Variants in ANK2 observed in about 807,000 individuals in gnomAD.
ANK2 encodes the protein ankyrin-2.
ANK2 carries 83 observed loss-of-function variants against 360.5 expected under a neutral mutation model. The ratio of observed to expected loss-of-function variants is 0.23; its 90% CI spans 0.19 to 0.28. ANK2 has a LOEUF of 0.28. ANK2 is among the 10% of genes least tolerant of loss of function. ANK2 has a pLI of 1.00. For synonymous variants in ANK2, 1,740 were observed against 1,759.5 expected, an observed-to-expected ratio of 0.99 and a Z score of 0.28; for missense variants, 4,201 against 4,795.7, an observed-to-expected ratio of 0.88 and a Z score of 3.66.
At chr4:112,721,432 C>T in the ANK2 span, among the ~76,000 whole-genome samples, 1 of 148,710 alleles carries the variant, frequency 6.7e-6, no homozygotes, top group African/African-American at 2.5e-5. Context: ...GTCCTAGCTA[C>T]TTGGGAGGCT....
At position 113,355,898 on chromosome 4, in the gene ANK2, A is replaced by G; in HGVS notation, c.7280A>G (p.Asp2427Gly). Reference protein sequence around the residue: ...DSEVLSAVADDSLAVSHKDSL... With the variant: ...DSEVLSAVADGSLAVSHKDSL... ...GAAGTCCTCAGCGCTGTGGCTGATG[A>G]CTCATTAGCAGTGAGCCACAAAGAC... Residue 2427 changes from aspartate to glycine, a missense_variant, in exon 38 of 46, where the codon GAC (aspartate) becomes GGC (glycine). This residue lies in a region of ANK2 where 2,642 missense variants were observed against 2,714.5 expected (regional missense o/e 0.97). Coordinates refer to ENST00000357077, the MANE Select transcript of ANK2 (RefSeq NM_001148.6). 6.2e-7 allele frequency: 1 copy of G among 1,613,984 alleles called. No homozygotes were observed. The highest frequency in any genetic ancestry group is 1.1e-5 in the South Asian group (1 of 91,068).
the ANK2 span, among the ~76,000 whole-genome samples, chr4:112,721,607 C>T: frequency 4.7e-5 from 7 of 149,250 alleles, no homozygotes; most frequent in Admixed American, 3.3e-4. Context: ...TGTCTCTACA[C>T]GCCTGGAAAA....
intron 1 of ANK2, among the ~76,000 whole-genome samples, chr4:113,151,688 A>G (rs765605487): frequency 6.6e-6 from 1 of 152,188 alleles, no homozygotes; most frequent in African/African-American, 2.4e-5. Context: ...CATATTTACT[A>G]TAGAAAGTAG....
In ANK2 at chr4:112,891,901, G is replaced by T. The variant is rs191675204; in HGVS notation, c.-39-12554G>T. ...AATTAAAGCATAGTTTTCTGAAAGC[G>T]TTACCTAATAAGTTCTCAATAAATA... On this transcript the variant is annotated intron_variant, in intron 1 of 30. Transcript: ENST00000503271. 3.1e-3 allele frequency among the ~76,000 whole-genome samples: 467 copies of T among 152,232 alleles called. 7 individuals carry two copies. The highest frequency in any genetic ancestry group is 3.7e-3 in the Non-Finnish European group (251 of 68,024).
chr4:113,045,323 C>G (rs1171264128), upstream of ANK2, among the ~76,000 whole-genome samples: 3 of 152,186 alleles, frequency 2.0e-5, no homozygotes, highest in African/African-American at 7.2e-5. Context: ...TGTCATCTGA[C>G]AGCGGTTTCT....
At chr4:113,007,458 G>C (rs1466476713) in intron 2 of ANK2, among the ~76,000 whole-genome samples, 1 of 152,152 alleles carries the variant, frequency 6.6e-6, no homozygotes, top group Non-Finnish European at 1.5e-5. Flanking sequence ...CAAATACGAT[G>C]TTCTTAGGGC....
At chr4:112,953,536 T>C (rs546519754) in intron 2 of ANK2, among the ~76,000 whole-genome samples, 1 of 152,350 alleles carries the variant, frequency 6.6e-6, no homozygotes, top group East Asian at 1.9e-4. Flanking sequence ...GAGAATCCCA[T>C]TACTTGTTTG....
chr4:113,014,731 G>A (rs993078207), intron 2 of ANK2, among the ~76,000 whole-genome samples: 8 of 150,378 alleles, frequency 5.3e-5, no homozygotes, highest in African/African-American at 1.7e-4. Flanking sequence ...TAGTGAGAAA[G>A]TGTATATAAA....
At chr4:113,167,732 T>C (rs115405656) in intron 1 of ANK2, among the ~76,000 whole-genome samples, 1,584 of 152,318 alleles carry the variant, frequency 0.01, 11 homozygotes, top group South Asian at 0.017. Context: ...AACTAGAATG[T>C]AGAATTAGAA....
At position 113,232,228 on chromosome 4, in the gene ANK2, A is replaced by C. The variant is rs1342754029; in HGVS notation, c.452A>C (p.Glu151Ala). 10 of 1,605,696 alleles carry C rather than the reference A, an allele frequency of 6.2e-6. No individual in the cohort carries two copies. Among genetic ancestry groups the C allele is most frequent in the Admixed American group, 1.7e-5 (1 of 59,992 alleles). Residue 151 changes from glutamate to alanine, a missense_variant, in exon 5 of 46, where the codon GAA becomes GCA. Physicochemically the swap from Glu to Ala is moderately radical, Grantham distance 107. This residue lies in a region of ANK2 where 169 missense variants were observed against 191.1 expected (regional missense o/e 0.88). Transcript: ENST00000357077. ...NHIDVVKYLL[E>A]NGANQSTATE... is the part of the protein sequence containing the mutation. ...ATTGATGTTGTAAAATATTTGCTGGAAAATGGAGCTAATCAGAGCACTGCT... is the reference window on the plus strand; with the variant it reads ...ATTGATGTTGTAAAATATTTGCTGGCAAATGGAGCTAATCAGAGCACTGCT...
the ANK2 span, among the ~76,000 whole-genome samples, chr4:112,808,943 T>C: frequency 9.2e-5 from 14 of 152,116 alleles, no homozygotes; most frequent in Admixed American, 4.6e-4. Flanking sequence ...CTGCAACCTC[T>C]GTCCCCCTGG....
Position 113,062,025 on chromosome 4 carries a change from A to C in ANK2, c.84+12213A>C, listed in dbSNP as rs555761035. ...ATTAAAAATTAAAAAAATTTTGAAAAGCAACTAAAAAAAAATTGCTGTTGC... is the reference window on the plus strand; with the variant it reads ...ATTAAAAATTAAAAAAATTTTGAAACGCAACTAAAAAAAAATTGCTGTTGC... On this transcript the variant is annotated intron_variant, in intron 1 of 45. Transcript: ENST00000357077. 1.8e-4 allele frequency among the ~76,000 whole-genome samples: 28 copies of C among 152,138 alleles called. 1 individual carries two copies. The South Asian group carries it at 5.6e-3, about 30-fold the overall frequency.
chr4:112,940,865 C>T (rs953382792), intron 2 of ANK2, among the ~76,000 whole-genome samples: 16 of 152,120 alleles, frequency 1.1e-4, no homozygotes, highest in African/African-American at 2.6e-4. Flanking sequence ...CAGGGATTCT[C>T]GTGTCAAAGA....
At chr4:112,761,357 A>G in the ANK2 span, among the ~76,000 whole-genome samples, 23 of 152,064 alleles carry the variant, frequency 1.5e-4, no homozygotes, top group African/African-American at 5.3e-4. Flanking sequence ...ACCGTGGCTC[A>G]TGCCTGTAAT....
At chr4:113,248,248 A>G (rs2044113407) in intron 9 of ANK2, among the ~76,000 whole-genome samples, 1 of 152,154 alleles carries the variant, frequency 6.6e-6, no homozygotes, top group Non-Finnish European at 1.5e-5. Context: ...TATTTATAAT[A>G]TTGTGTAGTC....
At chr4:112,947,897 C>T (rs2094648481) in intron 2 of ANK2, among the ~76,000 whole-genome samples, 1 of 152,122 alleles carries the variant, frequency 6.6e-6, no homozygotes, top group South Asian at 2.1e-4. Context: ...GTCATCTTTT[C>T]CGTATTTCTG....
chr4:113,087,750 T>C (rs960070851), intron 1 of ANK2, among the ~76,000 whole-genome samples: 5 of 152,140 alleles, frequency 3.3e-5, no homozygotes, highest in Admixed American at 6.5e-5. Flanking sequence ...AGATACTGAC[T>C]TACCACAAGT....
chr4:112,709,913 T>C, the ANK2 span, among the ~76,000 whole-genome samples: 3 of 152,198 alleles, frequency 2.0e-5, no homozygotes, highest in African/African-American at 4.8e-5. Context: ...TTCTCTTGTT[T>C]CTTCATCAAT....
At chr4:112,764,439 G>T in the ANK2 span, among the ~76,000 whole-genome samples, 1 of 150,752 alleles carries the variant, frequency 6.6e-6, no homozygotes, top group Non-Finnish European at 1.5e-5. Flanking sequence ...GGGTTCAAAT[G>T]ATTCTCCTGC....
Sources: allele counts gnomAD v4.1 joint callset (sites outside exome capture counted in the v4.1 genomes callset), GRCh38; gene constraint gnomAD v4.1.1; regional missense constraint gnomAD v4.1.1; transcripts MANE v1.5; gene names NCBI Gene and HGNC (gene_info 2026-07-23, HGNC 2026-07-21).